DYM: variants seen among roughly 807,000 people sequenced by gnomAD.
DYM encodes dymeclin, also known as dyggve-Melchior-Clausen syndrome protein.
In DYM, 78 loss-of-function variants were observed where a neutral mutation model predicts 93.1. The ratio of observed to expected loss-of-function variants is 0.84; its 90% CI spans 0.70 to 1.01. The LOEUF (loss-of-function observed/expected upper bound fraction) is 1.01, where lower values mean the gene tolerates loss of function less well. DYM is among the 50% of genes least tolerant of loss of function. DYM has a pLI of 0.00. For synonymous variants in DYM, 321 were observed against 319.7 expected, an observed-to-expected ratio of 1.00 and a Z score of -0.04; for missense variants, 789 against 845.0, an observed-to-expected ratio of 0.93 and a Z score of 0.82.
At chr18:49,087,627 T>C (rs570755205) in intron 17 of DYM, among the ~76,000 whole-genome samples, 1 of 152,374 alleles carries the variant, frequency 6.6e-6, no homozygotes, top group Admixed American at 6.5e-5. Flanking sequence ...GCTTTGGGTA[T>C]ATACCCAGTA....
At chr18:49,415,088 G>A (rs779893925) in intron 2 of DYM, among the ~76,000 whole-genome samples, 4 of 151,752 alleles carry the variant, frequency 2.6e-5, no homozygotes, top group Admixed American at 2.0e-4. Flanking sequence ...GGGCTCAAGC[G>A]ATTCTCCTGC....
At chr18:49,185,768 C>T (rs1291713380) in intron 14 of DYM, among the ~76,000 whole-genome samples, 2 of 152,138 alleles carry the variant, frequency 1.3e-5, no homozygotes, top group African/African-American at 2.4e-5. Flanking sequence ...GGCAGGTTTC[C>T]CTGTTATTCC....
intron 13 of DYM, among the ~76,000 whole-genome samples, chr18:49,255,087 C>A (rs1480587599): frequency 6.6e-6 from 1 of 152,080 alleles, no homozygotes; most frequent in Non-Finnish European, 1.5e-5. Flanking sequence ...TGAGTCAATG[C>A]AAAATATCCT....
chr18:49,250,917 C>T (rs1055507101), intron 13 of DYM, among the ~76,000 whole-genome samples: 1 of 152,224 alleles, frequency 6.6e-6, no homozygotes, highest in Non-Finnish European at 1.5e-5. Context: ...CAGACTATGT[C>T]ACTTTAAGAA....
intron 10 of DYM, among the ~76,000 whole-genome samples, chr18:49,280,034 T>C (rs143817980): frequency 4.5e-4 from 69 of 152,358 alleles, no homozygotes; most frequent in African/African-American, 1.6e-3. Flanking sequence ...GAACATTTCA[T>C]TGCTGTCAGC....
intron 6 of DYM, among the ~76,000 whole-genome samples, chr18:49,340,162 C>T (rs1423413356): frequency 1.3e-5 from 2 of 152,046 alleles, no homozygotes; most frequent in Non-Finnish European, 2.9e-5. Context: ...CTGTGTTAGC[C>T]AGGATGGTCT....
At position 49,412,840 on chromosome 18, in the gene DYM, C is replaced by T. The variant is rs2072435315; in HGVS notation, c.140+17415G>A. On this transcript the variant is annotated intron_variant, in intron 2 of 17. Coordinates refer to ENST00000675505, the MANE Select transcript of DYM (RefSeq NM_001353214.3). The stretch of plus-strand genomic sequence containing the variant: ...ACGTGACCTAATTAAACAAAAGTCT[C>T]TCTTCCTGTGTGTCAACTGAGGAAA... The T allele has an allele frequency of 3.3e-5, 5 of 152,174 alleles. No homozygotes were observed. The South Asian group carries it at 8.3e-4, about 25-fold the overall frequency. The allele number at this position is 152,174 out of a possible 1,614,324, so 9.4% of individuals were successfully genotyped here.
intron 14 of DYM, among the ~76,000 whole-genome samples, chr18:49,182,174 T>C (rs1370791525): frequency 1.3e-5 from 2 of 152,196 alleles, no homozygotes; most frequent in Non-Finnish European, 2.9e-5. Flanking sequence ...TTCCATGACT[T>C]GAATCTTATA....
intron 14 of DYM, among the ~76,000 whole-genome samples, chr18:49,166,872 G>C (rs1213999764): frequency 1.3e-5 from 2 of 151,952 alleles, no homozygotes; most frequent in East Asian, 1.9e-4. Flanking sequence ...TTGGTGTTAG[G>C]AAGAAGAAAT....
chr18:49,258,781 G>GACACACACAC (rs61429427), intron 11 of DYM, among the ~76,000 whole-genome samples: 7 of 112,368 alleles, frequency 6.2e-5, no homozygotes, highest in East Asian at 7.8e-4. Flanking sequence ...AGGGATCATA[G>GACACACACAC]ACACACACAC....
chr18:49,106,275 C>CAAATAGG (rs2080793296), intron 16 of DYM, among the ~76,000 whole-genome samples: 1 of 152,188 alleles, frequency 6.6e-6, no homozygotes, highest in Non-Finnish European at 1.5e-5. Context: ...TTCCTCCATC[C>CAAATAGG]CTTTATTCTG....
At chr18:49,332,199 C>G (rs780674752) in intron 7 of DYM, among the ~76,000 whole-genome samples, 193 bp from the exon 8 acceptor site, 3 of 152,168 alleles carry the variant, frequency 2.0e-5, no homozygotes, top group Non-Finnish European at 2.9e-5. Context: ...AGGCTTAATC[C>G]TTGCTTTTCC....
At chr18:49,270,461 A>C (rs1054606583) in intron 11 of DYM, among the ~76,000 whole-genome samples, 1 of 152,196 alleles carries the variant, frequency 6.6e-6, no homozygotes. Flanking sequence ...TATAGGTCAA[A>C]GTTACAGGTA....
intron 6 of DYM, among the ~76,000 whole-genome samples, chr18:49,342,958 G>C (rs2064280687): frequency 6.6e-6 from 1 of 152,134 alleles, no homozygotes; most frequent in Non-Finnish European, 1.5e-5. Context: ...ATTAAGCAAT[G>C]CATAACTGTA....
intron 3 of DYM, among the ~76,000 whole-genome samples, chr18:49,386,945 CT>C (rs575238087): frequency 0.013 from 1,748 of 138,254 alleles, 22 homozygotes; most frequent in African/African-American, 0.038. Context: ...TATTTATTTA[CT>C]TTTTTTTTTT....
intron 15 of DYM, among the ~76,000 whole-genome samples, chr18:49,141,251 A>G (rs988774162): frequency 2.6e-5 from 4 of 152,126 alleles, no homozygotes; most frequent in African/African-American, 9.7e-5. Context: ...CATGTTGACA[A>G]CTGGACTCCC....
At chr18:49,295,825 C>T (rs1187506949) in intron 8 of DYM, among the ~76,000 whole-genome samples, 1 of 151,576 alleles carries the variant, frequency 6.6e-6, no homozygotes, top group Non-Finnish European at 1.5e-5. Context: ...GATTTACATG[C>T]TTTGCTAAAA....
At chr18:49,238,787 G>A (rs1465156358) in intron 13 of DYM, among the ~76,000 whole-genome samples, 3 of 145,210 alleles carry the variant, frequency 2.1e-5, no homozygotes, top group Admixed American at 6.9e-5. Flanking sequence ...GTAAGACTCC[G>A]TCTCAAAAAA....
chr18:49,439,132 G>A (rs1392256306), intron 1 of DYM, among the ~76,000 whole-genome samples: 1 of 152,020 alleles, frequency 6.6e-6, no homozygotes, highest in Non-Finnish European at 1.5e-5. Context: ...CCAACCTCTG[G>A]CCAGGAAGCC....
Sources: gnomAD v4.1 joint callset for allele counts (sites outside exome capture counted in the v4.1 genomes callset) on GRCh38, gnomAD v4.1.1 for gene constraint, MANE v1.5 for transcripts, NCBI Gene and HGNC (gene_info 2026-07-23, HGNC 2026-07-21) for gene names.